Variants in ALPK2 observed in about 807,000 individuals in gnomAD.
The protein encoded by ALPK2 is alpha kinase 2.
ALPK2 carries 127 observed loss-of-function variants against 163.1 expected under a neutral mutation model. That is an observed-to-expected ratio of 0.78 (90% CI 0.67 to 0.90). The LOEUF is 0.90. Among genes scored for constraint, ALPK2 ranks in the 40% least tolerant of loss-of-function variants. The pLI, the probability that ALPK2 is intolerant of heterozygous loss-of-function variation, is 0.00. For missense variants in ALPK2, 2,360 were observed against 2,589.6 expected (o/e 0.91, Z 1.92); for synonymous variants, 953 against 959.1 (o/e 0.99, Z 0.12).
At chr18:58,624,693 A>G (rs918602343) in intron 1 of ALPK2, among the ~76,000 whole-genome samples, 3 of 152,230 alleles carry the variant, frequency 2.0e-5, no homozygotes, top group Admixed American at 2.0e-4. Context: ...ACCTCAAGTG[A>G]TCCACCCACC....
chr18:58,483,351 G>A (rs550033685), intron 12 of ALPK2, among the ~76,000 whole-genome samples: 3 of 152,128 alleles, frequency 2.0e-5, no homozygotes, highest in African/African-American at 7.2e-5. Flanking sequence ...CTGTTAAAAC[G>A]AAGACAAAAT....
At chr18:58,598,148 C>G (rs1222175845) in intron 3 of ALPK2, among the ~76,000 whole-genome samples, 1 of 152,236 alleles carries the variant, frequency 6.6e-6, no homozygotes, top group East Asian at 1.9e-4. Flanking sequence ...TCTCACGGAC[C>G]ACGCCCATTC....
chr18:58,616,806 C>T (rs2052171488), intron 1 of ALPK2, among the ~76,000 whole-genome samples: 1 of 152,186 alleles, frequency 6.6e-6, no homozygotes, highest in Non-Finnish European at 1.5e-5. Context: ...GTGAGCTACT[C>T]TGGCAAATTA....
At chr18:58,575,748 C>T (rs2051918062) in intron 4 of ALPK2, among the ~76,000 whole-genome samples, 1 of 152,184 alleles carries the variant, frequency 6.6e-6, no homozygotes. Flanking sequence ...CACTCCCAAA[C>T]TGGGATTAAC....
At position 58,535,606 on chromosome 18, in the gene ALPK2, G is replaced by A; in HGVS notation, c.4581C>T (p.Ser1527=). The part of the protein sequence containing the change: ...SDGSLGEAEQ[S]KKDKAELISP... The stretch of plus-strand genomic sequence containing the variant: ...AAATCAATTCTGCTTTGTCCTTTTT[G>A]CTTTGCTCAGCCTCCCCTAAGCTCC... The change falls in exon 5 of 13, where the codon AGC becomes AGT. Residue 1527 remains serine, a synonymous_variant. Coordinates refer to ENST00000361673, the MANE Select transcript of ALPK2 (RefSeq NM_052947.4). 6.2e-7 allele frequency: 1 copy of A among 1,614,132 alleles called. No individual in the cohort carries two copies. Among genetic ancestry groups the A allele is most frequent in the Non-Finnish European group, 8.5e-7 (1 of 1,179,994 alleles).
intron 12 of ALPK2, among the ~76,000 whole-genome samples, chr18:58,494,788 G>A (rs2051393230): frequency 6.6e-6 from 1 of 152,182 alleles, no homozygotes; most frequent in Non-Finnish European, 1.5e-5. Context: ...AGTCTGCGAT[G>A]CTCGCCTTCC....
At chr18:58,574,947 C>T (rs1343363487) in intron 4 of ALPK2, among the ~76,000 whole-genome samples, 9 of 152,174 alleles carry the variant, frequency 5.9e-5, no homozygotes, top group Non-Finnish European at 1.3e-4. Flanking sequence ...GGCATGGTGG[C>T]TCACGCCTGT....
intron 3 of ALPK2, among the ~76,000 whole-genome samples, chr18:58,592,156 C>T (rs2052017912): frequency 6.6e-6 from 1 of 152,238 alleles, no homozygotes; most frequent in African/African-American, 2.4e-5. Context: ...ACACCCCGTT[C>T]TCCCATGTGT....
intron 12 of ALPK2, among the ~76,000 whole-genome samples, chr18:58,488,395 C>T (rs2051351396): frequency 6.8e-6 from 1 of 147,944 alleles, no homozygotes; most frequent in Non-Finnish European, 1.5e-5. Flanking sequence ...GCCTTTCAGA[C>T]TCACACAGAA....
chr18:58,482,092 C>A, intron 12 of ALPK2, 53 bp from the exon 13 acceptor site: 1 of 1,407,462 alleles, frequency 7.1e-7, no homozygotes. Flanking sequence ...ACACTTTCAT[C>A]AGTTTAAAAA....
chr18:58,621,406 G>A (rs558808412), intron 1 of ALPK2, among the ~76,000 whole-genome samples: 3 of 151,678 alleles, frequency 2.0e-5, no homozygotes, highest in South Asian at 2.1e-4. Context: ...TCCCGAGCTC[G>A]AACTACAGGC....
chr18:58,549,549 T>A (rs1442469093), intron 4 of ALPK2, among the ~76,000 whole-genome samples: 2 of 152,198 alleles, frequency 1.3e-5, no homozygotes, highest in Non-Finnish European at 2.9e-5. Flanking sequence ...AGGCAAAATA[T>A]ACACTGAGCT....
Position 58,579,216 on chromosome 18 carries a change from C to A in ALPK2, c.1560G>T (p.Val520=), listed in dbSNP as rs145088303. 31 of 1,613,974 alleles carry A rather than the reference C, an allele frequency of 1.9e-5. No individual in the cohort carries two copies. Among genetic ancestry groups the A allele is most frequent in the African/African-American group, 6.7e-5 (5 of 74,926 alleles). The part of the protein sequence containing the change: ...QCWETAADKR[V]GGKDLWSKRG... ...TCTTGCTCCATAAGTCCTTTCCCCC[C>A]ACTCTCTTGTCAGCTGCCGTCTCCC... The change falls in exon 4 of 13, where the codon GTG becomes GTT. Residue 520 remains valine, a synonymous_variant. Transcript: ENST00000361673.
intron 4 of ALPK2, among the ~76,000 whole-genome samples, chr18:58,539,365 A>G (rs894713206): frequency 1.1e-4 from 17 of 152,156 alleles, no homozygotes; most frequent in African/African-American, 4.1e-4. Context: ...GGAAGAGAGG[A>G]AGGCAGAGAA....
At chr18:58,559,860 G>A (rs1160815036) in intron 4 of ALPK2, among the ~76,000 whole-genome samples, 1 of 152,228 alleles carries the variant, frequency 6.6e-6, no homozygotes, top group East Asian at 1.9e-4. Context: ...CTTCAAGCAT[G>A]TTATTTTGAA....
intron 3 of ALPK2, among the ~76,000 whole-genome samples, chr18:58,594,552 C>T (rs907031499): frequency 4.6e-5 from 7 of 152,268 alleles, no homozygotes; most frequent in Middle Eastern, 3.4e-3. Flanking sequence ...TCAGACAAGC[C>T]ATGGCCGGCA....
chr18:58,536,935 G>T lies in ALPK2; in HGVS notation c.3252C>A (p.His1084Gln), dbSNP rs375744631. 46 of 1,614,094 alleles carry T rather than the reference G, an allele frequency of 2.8e-5. No individual in the cohort carries two copies. The highest frequency in any genetic ancestry group is 3.3e-4 in the Middle Eastern group (2 of 6,084). The change falls in exon 5 of 13, where the codon CAC (histidine) becomes CAA (glutamine). Residue 1084 changes from histidine to glutamine, a missense_variant. His to Gln is a conservative substitution (Grantham distance 24, BLOSUM62 0). Coordinates refer to ENST00000361673, the MANE Select transcript of ALPK2 (RefSeq NM_052947.4). ...CTCCCTCTGGGAGCTGCAGGACATG[G>T]TGTGGGACTCCTGGCACACTGGGTG... The part of the protein sequence containing the change: ...CRAPSVPGVP[H>Q]HVLQLPEGEG...
chr18:58,495,714 T>G (rs1219933895), intron 12 of ALPK2, among the ~76,000 whole-genome samples: 1 of 152,248 alleles, frequency 6.6e-6, no homozygotes, highest in Non-Finnish European at 1.5e-5. Context: ...ATTTGCCTAC[T>G]CTGGTGTCAG....
chr18:58,610,926 C>A (rs1212627660), intron 2 of ALPK2, among the ~76,000 whole-genome samples: 1 of 152,178 alleles, frequency 6.6e-6, no homozygotes, highest in Non-Finnish European at 1.5e-5. Flanking sequence ...GAAACCCCAT[C>A]TCTACTAAAA....
Sources: gnomAD v4.1 joint callset for allele counts (sites outside exome capture counted in the v4.1 genomes callset) on GRCh38, gnomAD v4.1.1 for gene constraint, MANE v1.5 for transcripts, NCBI Gene and HGNC (gene_info 2026-07-23, HGNC 2026-07-21) for gene names.